CADM2: variants seen among roughly 807,000 people sequenced by gnomAD.
CADM2 encodes the protein cell adhesion molecule 2, also known as immunoglobulin superfamily member 4D.
Under a neutral mutation model 49.8 loss-of-function variants are expected in CADM2, and 12 were observed. That is an observed-to-expected ratio of 0.24 (90% CI 0.15 to 0.39). The LOEUF (loss-of-function observed/expected upper bound fraction) is 0.39. CADM2 is among the 10% of genes least tolerant of loss of function. The pLI is 1.00. For missense variants in CADM2, 378 were observed against 492.3 expected, an observed-to-expected ratio of 0.77 and a Z score of 2.20; for synonymous variants, 214 against 175.4, an observed-to-expected ratio of 1.22 and a Z score of -1.74.
chr3:85,215,357 TTAAAAAAAAAA>T (rs1302624181), intron 1 of CADM2, among the ~76,000 whole-genome samples: 3 of 114,378 alleles, frequency 2.6e-5, no homozygotes, highest in African/African-American at 1.0e-4. Context: ...TCTCTCTTTT[TTAAAAAAAAAA>T]AAAAAAAAAA....
At chr3:85,135,528 G>A (rs567325539) in intron 1 of CADM2, among the ~76,000 whole-genome samples, 4 of 152,126 alleles carry the variant, frequency 2.6e-5, no homozygotes, top group African/African-American at 9.6e-5. Flanking sequence ...AGCACATATA[G>A]TACTCATCAT....
intron 8 of CADM2, among the ~76,000 whole-genome samples, chr3:86,017,446 T>G (rs1732423945): frequency 6.6e-6 from 1 of 152,006 alleles, no homozygotes; most frequent in South Asian, 2.1e-4. Flanking sequence ...GAAAAGTATT[T>G]TTTGGCTGGT....
intron 1 of CADM2, among the ~76,000 whole-genome samples, chr3:85,089,435 T>C (rs1194412950): frequency 2.0e-5 from 3 of 152,116 alleles, no homozygotes; most frequent in Non-Finnish European, 4.4e-5. Context: ...TCCAAGTCAT[T>C]TAAATTCTTT....
intron 3 of CADM2, among the ~76,000 whole-genome samples, chr3:85,834,891 T>G (rs376040652): frequency 5.8e-4 from 88 of 151,726 alleles, no homozygotes; most frequent in African/African-American, 2.0e-3. Context: ...AGTTAATTGT[T>G]CAGAACTCAT....
intron 8 of CADM2, among the ~76,000 whole-genome samples, chr3:86,026,351 G>T (rs79418378): frequency 0.031 from 4,655 of 149,570 alleles, 141 homozygotes; most frequent in African/African-American, 0.072. Flanking sequence ...TTTTTTTTTG[G>T]TTTTTTTTTG....
intron 3 of CADM2, among the ~76,000 whole-genome samples, chr3:85,877,249 G>A (rs1393561027): frequency 6.6e-6 from 1 of 151,888 alleles, no homozygotes; most frequent in Non-Finnish European, 1.5e-5. Context: ...TATTACACAT[G>A]CTCATTTCTT....
intron 1 of CADM2, among the ~76,000 whole-genome samples, chr3:85,249,869 T>C (rs1395267886): frequency 6.6e-6 from 1 of 151,870 alleles, no homozygotes; most frequent in African/African-American, 2.4e-5. Context: ...TAATTCTCAG[T>C]CAGGTTACTT....
intron 1 of CADM2, among the ~76,000 whole-genome samples, chr3:85,007,595 A>G (rs2033795824): frequency 6.6e-6 from 1 of 152,202 alleles, no homozygotes; most frequent in Admixed American, 6.6e-5. Flanking sequence ...CTTTAACAGA[A>G]GTCACCATTT....
chr3:84,974,754 CA>C (rs1164284311), intron 1 of CADM2, among the ~76,000 whole-genome samples: 1 of 151,894 alleles, frequency 6.6e-6, no homozygotes, highest in Non-Finnish European at 1.5e-5. Flanking sequence ...TCCTAAGAAG[CA>C]AGATATATCA....
intron 1 of CADM2, among the ~76,000 whole-genome samples, chr3:85,336,823 G>A (rs2107174542): frequency 6.8e-6 from 1 of 147,270 alleles, no homozygotes; most frequent in South Asian, 2.1e-4. Flanking sequence ...TCTTAAAGCT[G>A]ATAAAAATAT....
At chr3:85,452,588 GACAA>G (rs2037800217) in intron 1 of CADM2, among the ~76,000 whole-genome samples, 2 of 151,984 alleles carry the variant, frequency 1.3e-5, no homozygotes, top group Non-Finnish European at 2.9e-5. Flanking sequence ...ACAAAAAAGA[GACAA>G]ACAGTTGTTC....
At chr3:85,754,875 G>T (rs550524421) in intron 2 of CADM2, among the ~76,000 whole-genome samples, 1 of 151,896 alleles carries the variant, frequency 6.6e-6, no homozygotes, top group Non-Finnish European at 1.5e-5. Flanking sequence ...TAAAAGCAGC[G>T]TGCAACTCAA....
At chr3:85,927,134 G>C (rs1197014909) in intron 6 of CADM2, among the ~76,000 whole-genome samples, 1 of 152,168 alleles carries the variant, frequency 6.6e-6, no homozygotes, top group African/African-American at 2.4e-5. Flanking sequence ...TATTTACCAA[G>C]TATTTGATTA....
At chr3:85,694,250 G>A (rs571186370) in intron 1 of CADM2, among the ~76,000 whole-genome samples, 18 of 152,302 alleles carry the variant, frequency 1.2e-4, no homozygotes, top group Admixed American at 4.6e-4. Context: ...CATCTTTGAT[G>A]TGACTGTATT....
intron 1 of CADM2, among the ~76,000 whole-genome samples, chr3:85,341,325 T>C (rs1340739241): frequency 1.3e-5 from 2 of 151,938 alleles, no homozygotes; most frequent in East Asian, 1.9e-4. Context: ...ATTGTTAAAC[T>C]TGATAAGTAT....
intron 6 of CADM2, among the ~76,000 whole-genome samples, chr3:85,929,683 A>G (rs1222671143): frequency 6.6e-6 from 1 of 152,046 alleles, no homozygotes; most frequent in Non-Finnish European, 1.5e-5. Flanking sequence ...CATTAATATA[A>G]ATAGTTTGAA....
chr3:85,765,266 C>A (rs1288769893), intron 2 of CADM2, among the ~76,000 whole-genome samples: 5 of 152,016 alleles, frequency 3.3e-5, no homozygotes, highest in Non-Finnish European at 5.9e-5. Flanking sequence ...AAATTATCAA[C>A]CTGGATGCTT....
intron 1 of CADM2, among the ~76,000 whole-genome samples, chr3:85,212,842 C>CTTTCTTT (rs2041817396): frequency 8.8e-6 from 1 of 113,894 alleles, no homozygotes; most frequent in Non-Finnish European, 1.7e-5. Context: ...TTCTTTCTTT[C>CTTTCTTT]TTTCTTTCTT....
At chr3:85,081,131 T>C (rs978301762) in intron 1 of CADM2, among the ~76,000 whole-genome samples, 74 of 152,278 alleles carry the variant, frequency 4.9e-4, no homozygotes, top group African/African-American at 1.7e-3. Context: ...CAATATATAG[T>C]ATAATAAGTG....
Sources: gnomAD v4.1 joint callset for allele counts (sites outside exome capture counted in the v4.1 genomes callset) on GRCh38, gnomAD v4.1.1 for gene constraint, MANE v1.5 for transcripts, NCBI Gene and HGNC (gene_info 2026-07-23, HGNC 2026-07-21) for gene names.